Variants in RGS6 observed in about 807,000 individuals in gnomAD.
The protein encoded by RGS6 is regulator of G-protein signaling 6.
Under a neutral mutation model 78.5 loss-of-function variants are expected in RGS6, and 30 were observed. The observed-to-expected ratio is 0.38, with a 90% CI of 0.29 to 0.52. The LOEUF (loss-of-function observed/expected upper bound fraction) is 0.52, where lower values mean the gene tolerates loss of function less well. RGS6 is among the 20% of genes least tolerant of loss of function. The pLI, the probability that RGS6 is intolerant of heterozygous loss-of-function variation, is 0.85. For synonymous variants in RGS6, 206 were observed against 206.0 expected (o/e 1.00, Z 0.00); for missense variants, 495 against 609.7 (o/e 0.81, Z 1.98).
At chr14:72,041,714 A>G (rs1307868745) in intron 2 of RGS6, among the ~76,000 whole-genome samples, 1 of 152,172 alleles carries the variant, frequency 6.6e-6, no homozygotes, top group Non-Finnish European at 1.5e-5. Context: ...GTATTTGCCT[A>G]GGGGCACTGT....
intron 3 of RGS6, among the ~76,000 whole-genome samples, chr14:72,453,553 T>A (rs1199977664): frequency 7.2e-6 from 1 of 138,294 alleles, no homozygotes; most frequent in African/African-American, 2.8e-5. Flanking sequence ...GAGGCAGAGC[T>A]TGCAGTGAGC....
the RGS6 span, among the ~76,000 whole-genome samples, chr14:71,917,913 C>T: frequency 6.6e-6 from 1 of 152,054 alleles, no homozygotes; most frequent in Admixed American, 6.5e-5. Context: ...GTGGCTCACG[C>T]CTGTAATCCC....
intron 17 of RGS6, chr14:72,550,443 C>A (rs751368801): frequency 4.6e-6 from 7 of 1,533,458 alleles, no homozygotes; most frequent in Non-Finnish European, 6.1e-6. Context: ...TCTGAGCCCC[C>A]GTGCCTAACA....
chr14:72,243,211 T>C (rs938323275), intron 2 of RGS6, among the ~76,000 whole-genome samples: 1 of 152,256 alleles, frequency 6.6e-6, no homozygotes, highest in Non-Finnish European at 1.5e-5. Flanking sequence ...TGAGTTACAC[T>C]ATTTTGGATA....
At chr14:71,964,397 T>TC (rs1036919908) in intron 1 of RGS6, among the ~76,000 whole-genome samples, 3 of 152,038 alleles carry the variant, frequency 2.0e-5, no homozygotes, top group Non-Finnish European at 2.9e-5. Flanking sequence ...TGCCAGCTAC[T>TC]CGGGAGGCTG....
chr14:72,369,237 T>G (rs2082986700), intron 3 of RGS6, among the ~76,000 whole-genome samples: 1 of 151,950 alleles, frequency 6.6e-6, no homozygotes, highest in Non-Finnish European at 1.5e-5. Context: ...TGAGGAAAAT[T>G]TAGTATAGAA....
chr14:72,456,199 G>A (rs541484446), intron 4 of RGS6, among the ~76,000 whole-genome samples: 1 of 152,286 alleles, frequency 6.6e-6, no homozygotes, highest in African/African-American at 2.4e-5. Flanking sequence ...ATAGTCTAAG[G>A]GGGGAGATGA....
intron 12 of RGS6, among the ~76,000 whole-genome samples, chr14:72,482,334 C>T (rs1355048724): frequency 6.6e-6 from 1 of 152,132 alleles, no homozygotes; most frequent in African/African-American, 2.4e-5. Context: ...CTGTTTCTGC[C>T]TTTTAGTTGT....
At position 72,147,942 on chromosome 14, in the gene RGS6, T is replaced by C. The variant is rs184581209; in HGVS notation, c.84+183067T>C. Among the ~76,000 whole-genome samples the C allele has an allele frequency of 4.0e-3, 608 of 152,054 alleles. 4 individuals carry two copies. Among genetic ancestry groups the C allele is most frequent in the African/African-American group, 0.013 (553 of 41,482 alleles). On this transcript the variant is annotated intron_variant, in intron 2 of 17. Coordinates refer to ENST00000553525, the MANE Select transcript of RGS6 (RefSeq NM_001204424.2). The stretch of plus-strand genomic sequence containing the variant: ...GTCAGGAGATTGAGACCATCCTGGC[T>C]AACATGGTGAAACCCCATCTCTACT...
At chr14:72,006,276 C>G (rs939604008) in intron 2 of RGS6, among the ~76,000 whole-genome samples, 1 of 152,140 alleles carries the variant, frequency 6.6e-6, no homozygotes, top group African/African-American at 2.4e-5. Context: ...TTATTGATGT[C>G]TACCAATGCA....
intron 2 of RGS6, among the ~76,000 whole-genome samples, chr14:72,334,586 G>A (rs930905423): frequency 3.7e-4 from 56 of 152,182 alleles, no homozygotes; most frequent in African/African-American, 1.3e-3. Flanking sequence ...GGGAGATGAG[G>A]GATGTCCGCC....
chr14:72,347,104 T>C (rs546121716), intron 2 of RGS6, among the ~76,000 whole-genome samples: 18 of 152,330 alleles, frequency 1.2e-4, no homozygotes, highest in East Asian at 1.2e-3. Flanking sequence ...CACCTGCTTA[T>C]TGATTGGCAC....
rs1567645930 is a variant in RGS6, at chr14:72,278,090, TGGTAG to T, written c.85-74001_85-73997del. ...GATGGGGCAGAATGGGAAAAGAAAATGGTAGGGTCTGGAGGTACAAGTGGGGGCCA... is the reference window on the plus strand; with the variant it reads ...GATGGGGCAGAATGGGAAAAGAAAATGGTCTGGAGGTACAAGTGGGGGCCA... On this transcript the variant is annotated intron_variant, in intron 2 of 17. Coordinates refer to ENST00000553525, the MANE Select transcript of RGS6 (RefSeq NM_001204424.2). 2.0e-5 allele frequency among the ~76,000 whole-genome samples: 3 copies of T among 151,726 alleles called. No homozygotes were observed. In the East Asian group the frequency reaches 5.8e-4, roughly 29 times the overall value.
intron 2 of RGS6, among the ~76,000 whole-genome samples, chr14:72,036,777 C>CT (rs2091773824): frequency 2.0e-5 from 3 of 152,064 alleles, no homozygotes; most frequent in Admixed American, 6.5e-5. Flanking sequence ...TGTAGTTTGC[C>CT]TTTTTATTCT....
chr14:72,019,183 G>C (rs1053268454), intron 2 of RGS6, among the ~76,000 whole-genome samples: 3 of 152,098 alleles, frequency 2.0e-5, no homozygotes, highest in Admixed American at 2.0e-4. Context: ...TCCCATGTCA[G>C]GGCAGAGCCA....
At chr14:72,458,208 C>A in intron 4 of RGS6, 63 bp from the exon 5 acceptor site, 1 of 1,298,132 alleles carries the variant, frequency 7.7e-7, no homozygotes, top group South Asian at 1.3e-5. Flanking sequence ...GGTCTCCCAG[C>A]TTAATTTTCA....
chr14:72,589,693 GAAAGGATA>G, the RGS6 span, among the ~76,000 whole-genome samples: 1 of 152,164 alleles, frequency 6.6e-6, no homozygotes, highest in African/African-American at 2.4e-5. Flanking sequence ...AGATTTTTGT[GAAAGGATA>G]TGCATTATTA....
intron 2 of RGS6, among the ~76,000 whole-genome samples, chr14:72,235,113 C>T (rs539783350): frequency 2.0e-5 from 3 of 152,238 alleles, no homozygotes; most frequent in African/African-American, 7.2e-5. Flanking sequence ...AACTTGGGGA[C>T]AGCAGGTCTT....
intron 2 of RGS6, among the ~76,000 whole-genome samples, chr14:72,052,979 TTCTTTCTCTCTCTC>T (rs1335246765): frequency 0.017 from 923 of 53,650 alleles, 5 homozygotes; most frequent in African/African-American, 0.028. Flanking sequence ...CTTTCTTTCT[TTCTTTCTCTCTCTC>T]TCTCTCTCTC....
Sources: gnomAD v4.1 joint callset for allele counts (sites outside exome capture counted in the v4.1 genomes callset) on GRCh38, gnomAD v4.1.1 for gene constraint, MANE v1.5 for transcripts, NCBI Gene and HGNC (gene_info 2026-07-23, HGNC 2026-07-21) for gene names.